The following CINP variants were observed in gnomAD, a reference collection of about 807,000 sequenced individuals.
The protein encoded by CINP is cyclin-dependent kinase 2-interacting protein.
A neutral mutation model predicts 20.5 loss-of-function variants in CINP; 11 were observed. The observed-to-expected ratio is 0.54, with a 90% CI of 0.34 to 0.89. CINP has a LOEUF of 0.89. Ranked by LOEUF, CINP falls within the 40% of genes least tolerant of loss-of-function variation. The pLI, the probability that CINP is intolerant of heterozygous loss-of-function variation, is 0.02. For synonymous variants in CINP, 108 were observed against 102.1 expected (o/e 1.06, Z -0.35); for missense variants, 213 against 251.0 (o/e 0.85, Z 1.02).
chr14:102,357,151 C>A (rs140924863), intron 2 of CINP, among the ~76,000 whole-genome samples: 1 of 152,050 alleles, frequency 6.6e-6, no homozygotes. Context: ...GAGGCCAAGG[C>A]GGGCAGATTG....
intron 3 of CINP, among the ~76,000 whole-genome samples, chr14:102,354,013 C>A (rs1567305431): frequency 6.6e-6 from 1 of 152,164 alleles, no homozygotes; most frequent in Non-Finnish European, 1.5e-5. Flanking sequence ...CACTTAAGCC[C>A]AGGAAGTAAA....
intron 2 of CINP, among the ~76,000 whole-genome samples, chr14:102,358,739 T>C (rs894456444): frequency 2.0e-5 from 3 of 152,086 alleles, no homozygotes; most frequent in East Asian, 1.9e-4. Context: ...CAATAACATA[T>C]GTTTTTTGTT....
chr14:102,355,035 C>T (rs1417339801), intron 3 of CINP, among the ~76,000 whole-genome samples: 5 of 150,406 alleles, frequency 3.3e-5, no homozygotes, highest in African/African-American at 1.2e-4. Context: ...TGCTACTGTA[C>T]TCCACCCTGG....
chr14:102,359,169 C>G (rs1361763887), intron 2 of CINP, among the ~76,000 whole-genome samples: 1 of 146,978 alleles, frequency 6.8e-6, no homozygotes, highest in Admixed American at 7.0e-5. Flanking sequence ...CCATCACACT[C>G]CAGCCTAGGC....
intron 3 of CINP, among the ~76,000 whole-genome samples, chr14:102,354,023 A>G (rs144770670): frequency 3.9e-4 from 60 of 152,362 alleles, no homozygotes; most frequent in Non-Finnish European, 6.2e-4. Flanking sequence ...CAGGAAGTAA[A>G]GGCTGCAGTG....
Position 102,348,337 on chromosome 14 carries a change from C to T in CINP, c.*220G>A. On this transcript the variant is annotated 3_prime_UTR_variant, in exon 5 of 5. Coordinates refer to ENST00000216756, the MANE Select transcript of CINP (RefSeq NM_032630.3). Reference sequence around the variant, plus strand: ...GAAGCACCCACGAATGACAGATTCCCAGGAGGGGCAGAGAAGGCTGAGCAG... The same window carrying T: ...GAAGCACCCACGAATGACAGATTCCTAGGAGGGGCAGAGAAGGCTGAGCAG... The T allele has an allele frequency of 3.6e-6, 2 of 559,124 alleles. No individual in the cohort carries two copies. The highest frequency in any genetic ancestry group is 6.4e-6 in the Non-Finnish European group (2 of 313,038). 34.6% of individuals were successfully genotyped at this position (559,124 alleles called of 1,614,324 possible).
chr14:102,362,068 A>T, intron 1 of CINP, among the ~76,000 whole-genome samples: 1 of 152,204 alleles, frequency 6.6e-6, no homozygotes, highest in Non-Finnish European at 1.5e-5. Flanking sequence ...CTTTGCATAA[A>T]ATGAGGTAAA....
intron 3 of CINP, chr14:102,352,656 TTTTCTTTTTTTC>T (rs1886894759): frequency 2.4e-6 from 1 of 410,780 alleles, no homozygotes; most frequent in South Asian, 1.8e-5. Context: ...CCACTTTTCT[TTTTCTTTTTTTC>T]TTTTTTTTGA....
intron 3 of CINP, among the ~76,000 whole-genome samples, chr14:102,354,622 T>C (rs1464226360): frequency 6.6e-6 from 1 of 151,478 alleles, no homozygotes; most frequent in African/African-American, 2.4e-5. Context: ...CTGGGCATGG[T>C]GGCGCACACC....
intron 3 of CINP, 116 bp from the exon 4 acceptor site, chr14:102,350,164 T>A (rs1886836023): frequency 1.1e-6 from 1 of 914,826 alleles, no homozygotes; most frequent in Non-Finnish European, 1.6e-6. Flanking sequence ...AAAATTCCAA[T>A]AACTAAACAC....
Position 102,359,467 on chromosome 14 carries a change from G to A in CINP, c.128C>T (p.Ala43Val), listed in dbSNP as rs373406995. ...AATATTATTTGCAGTGGTAAAACCT[G>A]CATCATTGAGGGTTTCCCACTTCAG... ...LILKWETLND[A>V]GFTTANNIAN... The change falls in exon 2 of 5, where the codon GCA becomes GTA. Residue 43 changes from alanine (A) to valine (V), a missense_variant. Physicochemically the swap from Ala to Val is moderately conservative, Grantham distance 64. Coordinates refer to ENST00000216756, the MANE Select transcript of CINP (RefSeq NM_032630.3). 5 of 1,610,560 alleles carry A rather than the reference G, an allele frequency of 3.1e-6. No individual in the cohort carries two copies. Among genetic ancestry groups the A allele is most frequent in the Non-Finnish European group, 4.2e-6 (5 of 1,178,214 alleles).
At position 102,349,989 on chromosome 14, in the gene CINP, T is replaced by A. The variant is rs1213832758; in HGVS notation, c.366A>T (p.Leu122=). 6.2e-7 allele frequency: 1 copy of A among 1,613,928 alleles called. No individual in the cohort carries two copies. The highest frequency in any genetic ancestry group is 8.5e-7 in the Non-Finnish European group (1 of 1,179,928). Residue 122 remains leucine, a synonymous_variant, in exon 4 of 5, where the codon CTA becomes CTT. Transcript: ENST00000216756. ...LSSTTKGICE[L]ENYHYGEESK... ...TCTCCTCCCCATAATGGTAGTTTTC[T>A]AGTTCACAAATTCCCTTGGTAGTTG... is the stretch of plus-strand genomic sequence containing the variant.
Position 102,359,555 on chromosome 14 carries a change from G to C in CINP, c.40C>G (p.Pro14Ala). 6.2e-6 allele frequency: 10 copies of C among 1,612,306 alleles called. 1 individual carries two copies. The highest frequency in any genetic ancestry group is 5.9e-6 in the Non-Finnish European group (7 of 1,179,120). ...KTLGTVTPRK[P>A]VLSVSARKIK... is the part of the protein sequence containing the mutation. ...TTTCTTGCACTGACAGATAAGACAGGTTTTCTGGGCGTTACAGTTCCAAGA... is the reference window on the plus strand; with the variant it reads ...TTTCTTGCACTGACAGATAAGACAGCTTTTCTGGGCGTTACAGTTCCAAGA... Residue 14 changes from proline to alanine, a missense_variant, in exon 2 of 5, where the codon CCT becomes GCT. Transcript: ENST00000216756.
At chr14:102,349,772 T>A (rs1001954941) in intron 4 of CINP, 147 bp downstream of exon 4, 2 of 951,802 alleles carry the variant, frequency 2.1e-6, no homozygotes, top group Non-Finnish European at 3.2e-6. Flanking sequence ...AAGAAATGTT[T>A]AAGATGCCTC....
At chr14:102,352,577 AG>A (rs1567305107) in intron 3 of CINP, 1 of 455,656 alleles carries the variant, frequency 2.2e-6, no homozygotes, top group African/African-American at 2.0e-5. Flanking sequence ...AGAGGAAAAT[AG>A]GAAAAATAAT....
intron 1 of CINP, among the ~76,000 whole-genome samples, chr14:102,360,175 G>GC (rs975752248): frequency 8.6e-5 from 13 of 151,624 alleles, no homozygotes; most frequent in African/African-American, 2.9e-4. Context: ...CCACACCTTG[G>GC]CCCCCCGTCA....
chr14:102,349,856 C>T (rs560279358), intron 4 of CINP, 63 bp downstream of exon 4: 21 of 1,576,246 alleles, frequency 1.3e-5, no homozygotes, highest in South Asian at 9.1e-5. Flanking sequence ...CAGATGTAAA[C>T]GATACTAAAT....
intron 1 of CINP, 92 bp from the exon 2 acceptor site, chr14:102,359,679 T>C: frequency 3.4e-6 from 3 of 883,370 alleles, no homozygotes; most frequent in Non-Finnish European, 5.1e-6. Context: ...ACAGTAAAAC[T>C]ATCTGAAATG....
At chr14:102,353,025 T>C in intron 3 of CINP, among the ~76,000 whole-genome samples, 1 of 151,114 alleles carries the variant, frequency 6.6e-6, no homozygotes, top group African/African-American at 2.4e-5. Flanking sequence ...TAATCCCAGC[T>C]ACTTGGGAAG....
Sources: gnomAD v4.1 joint callset for allele counts (sites outside exome capture counted in the v4.1 genomes callset) on GRCh38, gnomAD v4.1.1 for gene constraint, MANE v1.5 for transcripts, NCBI Gene and HGNC (gene_info 2026-07-23, HGNC 2026-07-21) for gene names.